The following MYLK4 variants were observed in gnomAD, a reference collection of about 807,000 sequenced individuals.
The protein encoded by MYLK4 is myosin light chain kinase family member 4.
MYLK4 carries 46 observed loss-of-function variants against 48.1 expected under a neutral mutation model. The observed-to-expected ratio is 0.96, with a 90% CI of 0.75 to 1.22. MYLK4 has a LOEUF of 1.22. Ranked by LOEUF, MYLK4 falls within the 50% of genes most tolerant of loss-of-function variation. The probability of loss-of-function intolerance (pLI) is 0.00; values close to 1 mark genes in which losing one functional copy is unlikely to be tolerated. For missense variants in MYLK4, 451 were observed against 486.1 expected (o/e 0.93, Z 0.68); for synonymous variants, 170 against 180.8 (o/e 0.94, Z 0.48).
the MYLK4 span, among the ~76,000 whole-genome samples, chr6:2,756,299 A>T: frequency 6.6e-6 from 1 of 152,146 alleles, no homozygotes; most frequent in Non-Finnish European, 1.5e-5. Context: ...TATATTCTTT[A>T]TTTTGAAGCT....
intron 11 of MYLK4, 131 bp downstream of exon 11, chr6:2,674,916 G>T: frequency 1.3e-6 from 1 of 782,030 alleles, no homozygotes; most frequent in Non-Finnish European, 2.1e-6. Context: ...ATTTAATACT[G>T]CACAAGATTT....
chr6:2,764,689 TAAG>T, the MYLK4 span, among the ~76,000 whole-genome samples: 6 of 152,176 alleles, frequency 3.9e-5, no homozygotes, highest in Non-Finnish European at 8.8e-5. Context: ...ATTTGGTTGC[TAAG>T]GAGACAGAAG....
At chr6:2,694,722 A>C (rs1170228636) in intron 2 of MYLK4, among the ~76,000 whole-genome samples, 1 of 151,786 alleles carries the variant, frequency 6.6e-6, no homozygotes, top group Non-Finnish European at 1.5e-5. Context: ...TCTTCTAAGC[A>C]CTTTGTTTAA....
intron 2 of MYLK4, among the ~76,000 whole-genome samples, chr6:2,724,449 G>A (rs1304779360): frequency 6.6e-6 from 1 of 152,214 alleles, no homozygotes; most frequent in Non-Finnish European, 1.5e-5. Context: ...AACGCAGGGG[G>A]AAAGGTATGC....
In MYLK4 at chr6:2,745,902, G is replaced by T. The variant is rs544528779; in HGVS notation, c.159+3234C>A. Among the ~76,000 whole-genome samples, 482 of 87,768 alleles carry T rather than the reference G, an allele frequency of 5.5e-3. 2 individuals carry two copies. The highest frequency in any genetic ancestry group is 8.2e-3 in the Non-Finnish European group (297 of 36,076). 57.6% of individuals were successfully genotyped at this position (87,768 alleles called of 152,430 possible). A position where few individuals can be genotyped will look rare whatever the true frequency, so the allele number is the denominator to read the frequency against. ...ATCACACCACTGCAATCCAGCCTGGGCGACAGAGTGAGAAGCTGTCTCAAA... is the reference window on the plus strand; with the variant it reads ...ATCACACCACTGCAATCCAGCCTGGTCGACAGAGTGAGAAGCTGTCTCAAA... On this transcript the variant is annotated intron_variant, in intron 2 of 12. Transcript: ENST00000274643.
chr6:2,688,957 C>A lies in MYLK4; in HGVS notation c.236-1G>T. 2 of 1,614,010 alleles carry A rather than the reference C, an allele frequency of 1.2e-6. No individual in the cohort carries two copies. Among genetic ancestry groups the A allele is most frequent in the Non-Finnish European group, 1.7e-6 (2 of 1,179,874 alleles). ...GGGGCCGGAGGAGCCGGGATGTCAA[C>A]TAGAAGGTGAGAGAAACAGAAGGGC... is the stretch of plus-strand genomic sequence containing the variant. On this transcript the variant is annotated splice_acceptor_variant, in intron 3 of 12. Transcript: ENST00000274643. LOFTEE classifies it high-confidence loss of function.
intron 2 of MYLK4, among the ~76,000 whole-genome samples, chr6:2,738,706 A>C (rs1404033269): frequency 6.6e-6 from 1 of 152,270 alleles, no homozygotes; most frequent in African/African-American, 2.4e-5. Context: ...CCAAAGCAAC[A>C]ATCATTAAAA....
At chr6:2,770,001 A>G in the MYLK4 span, 1 of 1,421,086 alleles carries the variant, frequency 7.0e-7, no homozygotes, top group East Asian at 2.3e-5. Context: ...GGCTGCTGCT[A>G]TTCCTGAACT....
the MYLK4 span, among the ~76,000 whole-genome samples, chr6:2,767,745 G>A: frequency 1.3e-5 from 2 of 152,218 alleles, no homozygotes; most frequent in African/African-American, 4.8e-5. Context: ...TTAGGGAGAC[G>A]AGTGGGTGAG....
chr6:2,750,606 T>C (rs1554134278), intron 1 of MYLK4, 130 bp downstream of exon 1: 4 of 152,082 alleles, frequency 2.6e-5, no homozygotes, highest in Non-Finnish European at 5.9e-5. Context: ...AGGATTAAGA[T>C]ACAATAATTT....
At chr6:2,740,789 T>C (rs1763874184) in intron 2 of MYLK4, among the ~76,000 whole-genome samples, 1 of 152,208 alleles carries the variant, frequency 6.6e-6, no homozygotes, top group African/African-American at 2.4e-5. Flanking sequence ...CTACGATCAG[T>C]CTTCTCCATG....
At chr6:2,690,554 G>T (rs530734662) in intron 3 of MYLK4, among the ~76,000 whole-genome samples, 8 of 152,166 alleles carry the variant, frequency 5.3e-5, no homozygotes, top group Admixed American at 1.3e-4. Flanking sequence ...TGACGAGGAC[G>T]TGAGCTCCGT....
At position 2,685,869 on chromosome 6, in the gene MYLK4, T is replaced by C. The variant is rs1761521066; in HGVS notation, c.342-293A>G. Reference sequence around the variant, plus strand: ...GAGGATCACGAGGTCAGGACCAGTCTGGCCAACATAGTGAAACCCCATCTC... The same window carrying C: ...GAGGATCACGAGGTCAGGACCAGTCCGGCCAACATAGTGAAACCCCATCTC... On this transcript the variant is annotated intron_variant, in intron 4 of 12. Transcript: ENST00000274643. The surrounding 1 kb of genome is among the most constrained non-coding windows in gnomAD (Gnocchi z 4.5). Among the ~76,000 whole-genome samples the C allele has an allele frequency of 6.6e-6, 1 of 152,050 alleles. No homozygotes were observed. Among genetic ancestry groups the C allele is most frequent in the Admixed American group, 6.6e-5 (1 of 15,264 alleles).
chr6:2,689,766 G>A (rs1234073752), intron 3 of MYLK4, among the ~76,000 whole-genome samples: 21 of 152,216 alleles, frequency 1.4e-4, no homozygotes. Context: ...AGAATACAAA[G>A]GGAGGTAAGT....
chr6:2,735,773 G>C (rs974673853), intron 2 of MYLK4, among the ~76,000 whole-genome samples: 3 of 152,158 alleles, frequency 2.0e-5, no homozygotes, highest in Non-Finnish European at 2.9e-5. Context: ...ATTTAAATCT[G>C]GCCTTGAAGG....
At position 2,705,427 on chromosome 6, in the gene MYLK4, A is replaced by T. The variant is rs529003998; in HGVS notation, c.160-12568T>A. ...GTAATGAGTGAAGCGGGATGGGGGT[A>T]TACAGAGTCTGAGTTTGTAACACAT... is the stretch of plus-strand genomic sequence containing the variant. On this transcript the variant is annotated intron_variant, in intron 2 of 12. Transcript: ENST00000274643. Among the ~76,000 whole-genome samples, 4 of 152,296 alleles carry T rather than the reference A, an allele frequency of 2.6e-5. No homozygotes were observed. The South Asian group carries it at 8.3e-4, about 32-fold the overall frequency.
chr6:2,765,778 C>T, the MYLK4 span: 1,708 of 1,442,268 alleles, frequency 1.2e-3, 19 homozygotes, highest in African/African-American at 0.023. Flanking sequence ...AGCCCGCGGC[C>T]GGGTCGCACC....
chr6:2,715,245 A>G (rs1410234065), intron 2 of MYLK4, among the ~76,000 whole-genome samples: 1 of 125,066 alleles, frequency 8.0e-6, no homozygotes, highest in Non-Finnish European at 1.7e-5. Context: ...GGGCAACAAG[A>G]GCAAGACTCC....
At chr6:2,759,914 T>A in the MYLK4 span, among the ~76,000 whole-genome samples, 1 of 152,222 alleles carries the variant, frequency 6.6e-6, no homozygotes, top group Non-Finnish European at 1.5e-5. Flanking sequence ...TCCAATAATT[T>A]GACAATACAG....
Sources: gnomAD v4.1 joint callset for allele counts (sites outside exome capture counted in the v4.1 genomes callset) on GRCh38, gnomAD v4.1.1 for gene constraint, Gnocchi (gnomAD v3.1) non-coding constraint, MANE v1.5 for transcripts, NCBI Gene and HGNC (gene_info 2026-07-23, HGNC 2026-07-21) for gene names.